The following CUTC variants were observed in gnomAD, a reference collection of about 807,000 sequenced individuals.
The protein encoded by CUTC is cutC copper transporter, also known as copper homeostasis protein cutC homolog.
In CUTC, 27 loss-of-function variants were observed where a neutral mutation model predicts 36.2. That is an observed-to-expected ratio of 0.75 (90% CI 0.55 to 1.03). CUTC has a LOEUF of 1.03. CUTC is among the 50% of genes least tolerant of loss of function. CUTC has a pLI of 0.00. For synonymous variants in CUTC, 114 were observed against 118.3 expected, an observed-to-expected ratio of 0.96 and a Z score of 0.24; for missense variants, 315 against 343.5, an observed-to-expected ratio of 0.92 and a Z score of 0.66.
At position 99,732,394 on chromosome 10, in the gene CUTC, C is replaced by T. The variant is rs1381386342; in HGVS notation, c.46C>T (p.Pro16Ser). The T allele has an allele frequency of 1.3e-6, 2 of 1,552,380 alleles. No individual in the cohort carries two copies. The highest frequency in any genetic ancestry group is 1.7e-6 in the Non-Finnish European group (2 of 1,147,898). ...CTCTGAGCGAAAACGAGCGCGGATACCGTCCGGGAAGGCCGGTGCGGAAGG... is the reference window on the plus strand; with the variant it reads ...CTCTGAGCGAAAACGAGCGCGGATATCGTCCGGGAAGGCCGGTGCGGAAGG... ...ASSERKRARIPSGKAGAANGF... is the reference protein window; with the variant it reads ...ASSERKRARISSGKAGAANGF... The change falls in exon 1 of 9, where the codon CCG (proline) becomes TCG (serine). Residue 16 changes from proline (P) to serine (S), a missense_variant. Transcript: ENST00000370476.
At chr10:99,734,103 C>G (rs1310244547) in intron 1 of CUTC, among the ~76,000 whole-genome samples, 1 of 129,044 alleles carries the variant, frequency 7.7e-6, no homozygotes, top group African/African-American at 3.0e-5. Context: ...GAGTCTGGCT[C>G]TTGTCGCCCA....
At chr10:99,746,464 C>T (rs777770606) in intron 5 of CUTC, among the ~76,000 whole-genome samples, 10 of 151,820 alleles carry the variant, frequency 6.6e-5, no homozygotes, top group Admixed American at 2.0e-4. Flanking sequence ...TCCCAAGACA[C>T]GGGTTTATCT....
intron 2 of CUTC, 144 bp from the exon 3 acceptor site, chr10:99,739,566 A>T (rs1190228934): frequency 1.4e-6 from 1 of 707,688 alleles, no homozygotes; most frequent in African/African-American, 1.8e-5. Flanking sequence ...TTAAAAACAG[A>T]GTTTTACTCT....
At chr10:99,739,981 T>A (rs1441486812) in intron 3 of CUTC, among the ~76,000 whole-genome samples, 2 of 152,246 alleles carry the variant, frequency 1.3e-5, no homozygotes, top group African/African-American at 4.8e-5. Flanking sequence ...AGGTAATTGT[T>A]AATACCGGTT....
chr10:99,732,704 C>T, intron 1 of CUTC: 1 of 1,175,474 alleles, frequency 8.5e-7, no homozygotes. Context: ...TTTTCCGTCG[C>T]CACACGAGGA....
Position 99,755,623 on chromosome 10 carries a change from A to T in CUTC, c.708-2A>T. The T allele has an allele frequency of 6.3e-7, 1 of 1,593,938 alleles. No homozygotes were observed. Among genetic ancestry groups the T allele is most frequent in the African/African-American group, 1.3e-5 (1 of 74,616 alleles). On this transcript the variant is annotated splice_acceptor_variant, in intron 8 of 8. Transcript: ENST00000370476. LOFTEE classifies it high-confidence loss of function. The stretch of plus-strand genomic sequence containing the variant: ...TCTGTTCCTTTATTATTTCTGTTAC[A>T]GAAATTCATCTGTTGCCATGGGAGC...
At chr10:99,754,089 T>C (rs1267250521) in intron 7 of CUTC, among the ~76,000 whole-genome samples, 3 of 152,220 alleles carry the variant, frequency 2.0e-5, no homozygotes, top group African/African-American at 7.2e-5. Flanking sequence ...TATAATACCT[T>C]GCATTATTCC....
intron 6 of CUTC, among the ~76,000 whole-genome samples, chr10:99,748,043 T>C (rs1437613418): frequency 1.3e-5 from 2 of 152,210 alleles, no homozygotes; most frequent in Non-Finnish European, 2.9e-5. Context: ...TAATTAATAG[T>C]ATGTGTATTT....
At chr10:99,749,823 T>C (rs564631435) in intron 6 of CUTC, among the ~76,000 whole-genome samples, 14 of 152,286 alleles carry the variant, frequency 9.2e-5, no homozygotes, top group Non-Finnish European at 1.8e-4. Context: ...TATTGCTACC[T>C]GGAATTTTAT....
rs749464623 is a variant in CUTC, at chr10:99,743,269, C to T, written c.310C>T (p.Arg104Cys). The T allele has an allele frequency of 2.4e-5, 39 of 1,613,980 alleles. No individual in the cohort carries two copies. The highest frequency in any genetic ancestry group is 1.6e-4 in the Middle Eastern group (1 of 6,084). Residue 104 changes from arginine (R) to cysteine (C), a missense_variant, in exon 4 of 9, where the codon CGT becomes TGT. Physicochemically the swap from Arg to Cys is radical, Grantham distance 180. Transcript: ENST00000370476. ...AATTGAGGTGATGAAGGCTGACATT[C>T]GTCTTGCCAAGCTTTATGGTGCTGA... ...REIEVMKADI[R>C]LAKLYGADGL...
chr10:99,750,465 G>A (rs2037408194), intron 7 of CUTC, 69 bp downstream of exon 7: 1 of 1,172,974 alleles, frequency 8.5e-7, no homozygotes, highest in Non-Finnish European at 1.2e-6. Context: ...AAGGAGGCAG[G>A]AAAATGTGAG....
In CUTC at chr10:99,754,461, C is replaced by T. The variant is rs1389789731; in HGVS notation, c.602-68C>T. On this transcript the variant is annotated intron_variant, in intron 7 of 8. Coordinates refer to ENST00000370476, the MANE Select transcript of CUTC (RefSeq NM_015960.3). ...GGGGATTCCAAGTAAAGTAAGCAGT[C>T]GTTACTATTCCTTAAATTTTATGCA... 6.7e-6 allele frequency: 7 copies of T among 1,037,254 alleles called. No individual in the cohort carries two copies. The Admixed American group carries it at 7.9e-5, about 12-fold the overall frequency. 64.3% of individuals were successfully genotyped at this position (1,037,254 alleles called of 1,614,324 possible).
intron 7 of CUTC, among the ~76,000 whole-genome samples, chr10:99,752,593 T>C (rs969975827): frequency 3.9e-5 from 6 of 152,316 alleles, no homozygotes; most frequent in Admixed American, 3.3e-4. Context: ...CAAGTAATAC[T>C]TAGACAATTG....
At chr10:99,737,068 G>A (rs1418210913) in intron 2 of CUTC, among the ~76,000 whole-genome samples, 6 of 151,950 alleles carry the variant, frequency 3.9e-5, no homozygotes, top group Non-Finnish European at 7.4e-5. Flanking sequence ...TCATGAGTTC[G>A]ACACCAGCCC....
intron 2 of CUTC, among the ~76,000 whole-genome samples, chr10:99,738,080 A>C (rs2037311225): frequency 6.6e-6 from 1 of 151,338 alleles, no homozygotes; most frequent in Non-Finnish European, 1.5e-5. Flanking sequence ...TGGGAGGCGG[A>C]GGTTGCGTGA....
chr10:99,745,685 C>T (rs1176150732), intron 5 of CUTC, among the ~76,000 whole-genome samples: 1 of 152,074 alleles, frequency 6.6e-6, no homozygotes, highest in African/African-American at 2.4e-5. Flanking sequence ...GGTGAAACCC[C>T]GTCTGTACTA....
chr10:99,747,524 A>T, intron 6 of CUTC, 134 bp downstream of exon 6: 1 of 923,602 alleles, frequency 1.1e-6, no homozygotes, highest in Non-Finnish European at 1.6e-6. Context: ...GCAGGCAATA[A>T]TGTATATAAT....
intron 3 of CUTC, among the ~76,000 whole-genome samples, chr10:99,741,211 C>T (rs1372302043): frequency 6.6e-6 from 1 of 152,158 alleles, no homozygotes; most frequent in Non-Finnish European, 1.5e-5. Context: ...TTAAGATTTG[C>T]TGGGCAAGTC....
At chr10:99,753,267 G>A (rs1400359081) in intron 7 of CUTC, among the ~76,000 whole-genome samples, 1 of 152,190 alleles carries the variant, frequency 6.6e-6, no homozygotes, top group Non-Finnish European at 1.5e-5. Flanking sequence ...AGCTTGTGAG[G>A]TAGCCAGTAT....
Sources: allele counts gnomAD v4.1 joint callset (sites outside exome capture counted in the v4.1 genomes callset), GRCh38; gene constraint gnomAD v4.1.1; transcripts MANE v1.5; gene names NCBI Gene and HGNC (gene_info 2026-07-23, HGNC 2026-07-21).